CPD: variants seen among roughly 807,000 people sequenced by gnomAD.
CPD encodes the protein metallocarboxypeptidase D.
In CPD, 69 loss-of-function variants were observed where a neutral mutation model predicts 138.3. The ratio of observed to expected loss-of-function variants is 0.50; its 90% CI spans 0.41 to 0.61. The LOEUF is 0.61. CPD is among the 20% of genes least tolerant of loss of function. The pLI, the probability that CPD is intolerant of heterozygous loss-of-function variation, is 0.00. For synonymous variants in CPD, 651 were observed against 642.1 expected (o/e 1.01, Z -0.21); for missense variants, 1,432 against 1,733.3 (o/e 0.83, Z 3.09).
chr17:30,456,217 T>G, intron 15 of CPD, 39 bp from the exon 16 acceptor site: 2 of 1,513,830 alleles, frequency 1.3e-6, no homozygotes, highest in Non-Finnish European at 1.8e-6. Context: ...AAAAATCATT[T>G]GGATTTCTCC....
intron 12 of CPD, chr17:30,447,712 T>G (rs1390873881): frequency 6.6e-6 from 1 of 152,200 alleles, no homozygotes; most frequent in Non-Finnish European, 1.5e-5. Context: ...ACTTGAAGCT[T>G]TAGGGACATG....
chr17:30,457,039 C>A (rs1355613269), intron 17 of CPD, among the ~76,000 whole-genome samples: 2 of 151,982 alleles, frequency 1.3e-5, no homozygotes, highest in East Asian at 3.9e-4. Context: ...AGTTTAGTGA[C>A]ATTAATTAAA....
Position 30,462,433 on chromosome 17 carries a change from T to C in CPD, c.3880T>C (p.Phe1294Leu). Residue 1294 changes from phenylalanine to leucine, a missense_variant, in exon 20 of 21, where the codon TTT becomes CTT. Phe to Leu is a conservative substitution (Grantham distance 22). Coordinates refer to ENST00000225719, the MANE Select transcript of CPD (RefSeq NM_001304.5). ...AGTCTTTGACACAGATAACCGGATA[T>C]TTGGTTTGCCAAGGGAGCTTGTGGT... is the stretch of plus-strand genomic sequence containing the variant. ...VIVFDTDNRI[F>L]GLPRELVVTV... is the part of the protein sequence containing the mutation. 6.2e-7 allele frequency: 1 copy of C among 1,613,962 alleles called. No individual in the cohort carries two copies. Among genetic ancestry groups the C allele is most frequent in the Non-Finnish European group, 8.5e-7 (1 of 1,179,902 alleles).
At position 30,456,529 on chromosome 17, in the gene CPD, A is replaced by T; in HGVS notation, c.3498+3A>T. ...ATAGTCACCTGGGCAGCATGAAGGT[A>T]TGCTTTCTAGAACATGGTTAGAATG... On this transcript the variant is annotated splice_donor_region_variant and intron_variant, in intron 17 of 20. Coordinates refer to ENST00000225719, the MANE Select transcript of CPD (RefSeq NM_001304.5). 6.2e-7 allele frequency: 1 copy of T among 1,613,752 alleles called. No homozygotes were observed. Among genetic ancestry groups the T allele is most frequent in the Non-Finnish European group, 8.5e-7 (1 of 1,179,654 alleles).
intron 2 of CPD, among the ~76,000 whole-genome samples, chr17:30,395,792 A>G (rs1911490610): frequency 6.6e-6 from 1 of 152,152 alleles, no homozygotes; most frequent in Admixed American, 6.5e-5. Context: ...AAGTTAGACA[A>G]AAATGAAAAC....
chr17:30,434,124 G>C (rs931563105), intron 8 of CPD, among the ~76,000 whole-genome samples: 3 of 152,116 alleles, frequency 2.0e-5, no homozygotes, highest in African/African-American at 7.2e-5. Flanking sequence ...AAAGTAGATA[G>C]TCTTGGGAGA....
At chr17:30,459,740 T>C (rs1913417716) in intron 17 of CPD, among the ~76,000 whole-genome samples, 1 of 152,200 alleles carries the variant, frequency 6.6e-6, no homozygotes, top group South Asian at 2.1e-4. Flanking sequence ...TCACTTTGTG[T>C]AGTATTGACA....
intron 12 of CPD, 118 bp from the exon 13 acceptor site, chr17:30,449,435 T>G (rs2143483987): frequency 1.1e-6 from 1 of 884,384 alleles, no homozygotes. Context: ...GATTCACTCT[T>G]TAAAGACTTT....
rs570322608 is a variant in CPD, at chr17:30,417,752, C to T, written c.995-3089C>T. On this transcript the variant is annotated intron_variant, in intron 2 of 20. Coordinates refer to ENST00000225719, the MANE Select transcript of CPD (RefSeq NM_001304.5). ...CGGGCTTTTTGCTTCCAATCCCCCA[C>T]GCCTTTCCAGACCATACTGTCTTCT... Among the ~76,000 whole-genome samples the T allele has an allele frequency of 9.8e-5, 15 of 152,314 alleles. No individual in the cohort carries two copies. The East Asian group carries it at 2.5e-3, about 25-fold the overall frequency.
At chr17:30,391,573 A>G (rs1425610219) in intron 2 of CPD, among the ~76,000 whole-genome samples, 1 of 152,232 alleles carries the variant, frequency 6.6e-6, no homozygotes, top group Non-Finnish European at 1.5e-5. Flanking sequence ...ATAGAAGAAC[A>G]GTAGAAGGCA....
intron 2 of CPD, among the ~76,000 whole-genome samples, chr17:30,403,211 G>A (rs1911722631): frequency 6.6e-6 from 1 of 152,192 alleles, no homozygotes; most frequent in African/African-American, 2.4e-5. Flanking sequence ...TATGTAAGCT[G>A]TAATTCCAAT....
At chr17:30,455,287 C>T (rs1913264343) in intron 14 of CPD, 52 bp from the exon 15 acceptor site, 3 of 1,414,058 alleles carry the variant, frequency 2.1e-6, no homozygotes, top group African/African-American at 2.9e-5. Flanking sequence ...CTTAGATACT[C>T]ATACTAAGAT....
chr17:30,387,687 T>C (rs1253321353), intron 2 of CPD, among the ~76,000 whole-genome samples: 1 of 152,256 alleles, frequency 6.6e-6, no homozygotes, highest in African/African-American at 2.4e-5. Context: ...AAGTGTCTTA[T>C]GACATGTCTC....
chr17:30,445,642 G>A (rs1265809978), intron 11 of CPD, 49 bp from the exon 12 acceptor site: 1 of 1,346,420 alleles, frequency 7.4e-7, no homozygotes, highest in Admixed American at 2.4e-5. Context: ...CCAGGGTTTG[G>A]GTACTCCAGC....
At chr17:30,448,851 C>T (rs1913093622) in intron 12 of CPD, among the ~76,000 whole-genome samples, 2 of 152,026 alleles carry the variant, frequency 1.3e-5, no homozygotes, top group Non-Finnish European at 2.9e-5. Context: ...GCTGTAATCC[C>T]AGCACTTTGG....
At chr17:30,438,789 A>G (rs1912770944) in intron 8 of CPD, among the ~76,000 whole-genome samples, 186 bp from the exon 9 acceptor site, 1 of 152,134 alleles carries the variant, frequency 6.6e-6, no homozygotes, top group Admixed American at 6.6e-5. Flanking sequence ...AGATAGTGAA[A>G]AATCAAAATG....
At chr17:30,438,000 CTTTTTT>C (rs963626144) in intron 8 of CPD, among the ~76,000 whole-genome samples, 1 of 89,428 alleles carries the variant, frequency 1.1e-5, no homozygotes, top group Admixed American at 1.3e-4. Flanking sequence ...CCATGTGTGG[CTTTTTT>C]TTTTTTTTTT....
intron 2 of CPD, among the ~76,000 whole-genome samples, chr17:30,388,881 C>A (rs570868732): frequency 4.6e-5 from 7 of 152,278 alleles, no homozygotes; most frequent in Non-Finnish European, 1.0e-4. Context: ...GGGAGGTCAC[C>A]CCACGTGTGG....
At chr17:30,385,610 T>A (rs2143304347) in intron 2 of CPD, among the ~76,000 whole-genome samples, 1 of 152,210 alleles carries the variant, frequency 6.6e-6, no homozygotes, top group South Asian at 2.1e-4. Flanking sequence ...TTCCTCAGCA[T>A]GTATTTCCCA....
Sources: gnomAD v4.1 joint callset for allele counts (sites outside exome capture counted in the v4.1 genomes callset) on GRCh38, gnomAD v4.1.1 for gene constraint, MANE v1.5 for transcripts, NCBI Gene and HGNC (gene_info 2026-07-23, HGNC 2026-07-21) for gene names.